WDFY2: variants seen among roughly 807,000 people sequenced by gnomAD.
WDFY2 encodes WD repeat and FYVE domain-containing protein 2.
A neutral mutation model predicts 56.4 loss-of-function variants in WDFY2; 36 were observed. That is an observed-to-expected ratio of 0.64 (90% CI 0.49 to 0.84). WDFY2 has a LOEUF of 0.84. Ranked by LOEUF, WDFY2 falls within the 40% of genes least tolerant of loss-of-function variation. WDFY2 has a pLI of 0.00. For synonymous variants in WDFY2, 176 were observed against 183.7 expected (o/e 0.96, Z 0.34); for missense variants, 444 against 512.2 (o/e 0.87, Z 1.29).
chr13:51,653,583 G>A (rs1483749059), intron 1 of WDFY2, among the ~76,000 whole-genome samples: 4 of 152,200 alleles, frequency 2.6e-5, no homozygotes, highest in African/African-American at 9.7e-5. Flanking sequence ...GGGTTTTGGT[G>A]TGCATGTCCT....
At chr13:51,705,021 A>ACTTCCACCTTGTTTGCC (rs1952054563) in intron 4 of WDFY2, among the ~76,000 whole-genome samples, 1 of 152,090 alleles carries the variant, frequency 6.6e-6, no homozygotes, top group South Asian at 2.1e-4. Context: ...AGATACCAAA[A>ACTTCCACCTTGTTTGCC]CTTCCACCTT....
At chr13:51,740,045 T>TG (rs1187334841) in intron 7 of WDFY2, among the ~76,000 whole-genome samples, 1 of 152,270 alleles carries the variant, frequency 6.6e-6, no homozygotes, top group African/African-American at 2.4e-5. Flanking sequence ...AATGCTTCTA[T>TG]GAACTAACCG....
In WDFY2 at chr13:51,759,848, A is replaced by C; in HGVS notation, c.*79A>C. The stretch of plus-strand genomic sequence containing the variant: ...ACCCAAATCATTACCAGAGTGGTAA[A>C]GCAGACATGTGAGAAGTAAGAAAGA... On this transcript the variant is annotated 3_prime_UTR_variant, in exon 12 of 12. Coordinates refer to ENST00000298125, the MANE Select transcript of WDFY2 (RefSeq NM_052950.4). The C allele has an allele frequency of 1.4e-6, 2 of 1,455,248 alleles. No individual in the cohort carries two copies. Among genetic ancestry groups the C allele is most frequent in the South Asian group, 2.3e-5 (2 of 85,666 alleles). The allele number at this position is 1,455,248 out of a possible 1,614,324, so 90.1% of individuals were successfully genotyped here.
At position 51,765,427 on chromosome 13, in the gene WDFY2, T is replaced by G. The variant is rs1186598448; in HGVS notation, c.*5658T>G. 6.6e-6 allele frequency: 1 copy of G among 152,220 alleles called. No individual in the cohort carries two copies. The highest frequency in any genetic ancestry group is 1.5e-5 in the Non-Finnish European group (1 of 68,038). 9.4% of individuals were successfully genotyped at this position (152,220 alleles called of 1,614,324 possible). A position where few individuals can be genotyped will look rare whatever the true frequency, so the allele number is the denominator to read the frequency against. On this transcript the variant is annotated 3_prime_UTR_variant, in exon 12 of 12. Coordinates refer to ENST00000298125, the MANE Select transcript of WDFY2 (RefSeq NM_052950.4). ...CTAAATTGGAATGGGATGTCTTCCTTGCATGTCCCATACCAGGGAATTTTT... is the reference window on the plus strand; with the variant it reads ...CTAAATTGGAATGGGATGTCTTCCTGGCATGTCCCATACCAGGGAATTTTT...
chr13:51,613,319 C>T (rs1954539969), intron 1 of WDFY2, among the ~76,000 whole-genome samples: 2 of 152,200 alleles, frequency 1.3e-5, no homozygotes, highest in Non-Finnish European at 2.9e-5. Flanking sequence ...GACTGCCATC[C>T]TGGAGAGGAC....
chr13:51,666,473 A>G (rs1456668650), intron 2 of WDFY2, among the ~76,000 whole-genome samples: 1 of 152,240 alleles, frequency 6.6e-6, no homozygotes, highest in Non-Finnish European at 1.5e-5. Flanking sequence ...GGATTACATT[A>G]GAACATGAGA....
At chr13:51,674,631 C>G (rs1021583592) in intron 2 of WDFY2, among the ~76,000 whole-genome samples, 2 of 152,060 alleles carry the variant, frequency 1.3e-5, no homozygotes, top group African/African-American at 4.8e-5. Flanking sequence ...TCCAGCACAC[C>G]CCCAAAGGCC....
chr13:51,705,268 T>C (rs1566153770), intron 4 of WDFY2, among the ~76,000 whole-genome samples: 1 of 152,318 alleles, frequency 6.6e-6, no homozygotes, highest in East Asian at 1.9e-4. Flanking sequence ...TACAGTTCCA[T>C]TCCACACCTT....
chr13:51,627,205 C>T (rs1426591670), intron 1 of WDFY2, among the ~76,000 whole-genome samples: 1 of 152,156 alleles, frequency 6.6e-6, no homozygotes, highest in Non-Finnish European at 1.5e-5. Context: ...AGTGTCACAG[C>T]CCTAGCTTGG....
At chr13:51,758,653 C>T (rs1357804202) in intron 11 of WDFY2, among the ~76,000 whole-genome samples, 1 of 151,804 alleles carries the variant, frequency 6.6e-6, no homozygotes, top group Non-Finnish European at 1.5e-5. Flanking sequence ...ACTGGCTCTA[C>T]ACAAAGAAAT....
chr13:51,657,625 G>A (rs1012581670), intron 1 of WDFY2, among the ~76,000 whole-genome samples: 1 of 152,062 alleles, frequency 6.6e-6, no homozygotes, highest in African/African-American at 2.4e-5. Flanking sequence ...GGTCTCTTAC[G>A]CTCTGTTTGT....
intron 1 of WDFY2, among the ~76,000 whole-genome samples, chr13:51,657,063 A>G (rs903567682): frequency 6.6e-6 from 1 of 151,210 alleles, no homozygotes; most frequent in Non-Finnish European, 1.5e-5. Context: ...CAATTTCTCC[A>G]CTATTGCCTT....
At chr13:51,589,879 G>A (rs955595191) in intron 1 of WDFY2, 2 of 152,188 alleles carry the variant, frequency 1.3e-5, no homozygotes, top group African/African-American at 4.8e-5. Flanking sequence ...CTGTATGATT[G>A]TGGAAAATTA....
chr13:51,734,529 AT>A (rs1257075976), intron 6 of WDFY2, among the ~76,000 whole-genome samples: 2 of 152,210 alleles, frequency 1.3e-5, no homozygotes, highest in African/African-American at 2.4e-5. Context: ...TTTTAAAAAT[AT>A]TTTGGCGATT....
At chr13:51,682,307 A>G (rs1205278703) in intron 3 of WDFY2, among the ~76,000 whole-genome samples, 9 of 152,178 alleles carry the variant, frequency 5.9e-5, no homozygotes, top group East Asian at 3.8e-4. Context: ...TAGGAACCTT[A>G]TATCTAAATA....
At chr13:51,617,378 T>C (rs753050385) in intron 1 of WDFY2, among the ~76,000 whole-genome samples, 7 of 152,072 alleles carry the variant, frequency 4.6e-5, no homozygotes, top group Non-Finnish European at 7.4e-5. Flanking sequence ...CTTGCTTTGT[T>C]GCCCAGGCTG....
intron 1 of WDFY2, among the ~76,000 whole-genome samples, chr13:51,631,302 G>A (rs1206225010): frequency 6.6e-6 from 1 of 151,038 alleles, no homozygotes; most frequent in Non-Finnish European, 1.5e-5. Flanking sequence ...GAGGTGGGAG[G>A]ATCACTTGAG....
intron 2 of WDFY2, among the ~76,000 whole-genome samples, chr13:51,662,136 A>G (rs1027877388): frequency 6.6e-6 from 1 of 151,756 alleles, no homozygotes. Flanking sequence ...ACACCCAGCT[A>G]ATTTTTGTAT....
In WDFY2 at chr13:51,763,392, G is replaced by A. The variant is rs998727473; in HGVS notation, c.*3623G>A. The A allele has an allele frequency of 6.6e-6, 1 of 152,200 alleles. No individual in the cohort carries two copies. Among genetic ancestry groups the A allele is most frequent in the South Asian group, 2.1e-4 (1 of 4,828 alleles). The allele number at this position is 152,200 out of a possible 1,614,324, so 9.4% of individuals were successfully genotyped here. ...CTCAGACCACCCCAGAGGCAAAACT[G>A]AAATGGAAATCCAGTGGCACTTAAA... On this transcript the variant is annotated 3_prime_UTR_variant, in exon 12 of 12. Transcript: ENST00000298125.
Sources: gnomAD v4.1 joint callset for allele counts (sites outside exome capture counted in the v4.1 genomes callset) on GRCh38, gnomAD v4.1.1 for gene constraint, MANE v1.5 for transcripts, NCBI Gene and HGNC (gene_info 2026-07-23, HGNC 2026-07-21) for gene names.